The following ATP6V0A2 variants were observed in gnomAD, a reference collection of about 807,000 sequenced individuals.
ATP6V0A2 encodes ATPase H+ transporting V0 subunit a2.
A neutral mutation model predicts 104.4 loss-of-function variants in ATP6V0A2; 58 were observed. The observed-to-expected ratio is 0.56, with a 90% CI of 0.45 to 0.69. The LOEUF (loss-of-function observed/expected upper bound fraction) is 0.69, where lower values mean the gene tolerates loss of function less well. Ranked by LOEUF, ATP6V0A2 falls within the 30% of genes least tolerant of loss-of-function variation. The pLI is 0.00. For synonymous variants in ATP6V0A2, 376 were observed against 397.9 expected, an observed-to-expected ratio of 0.95 and a Z score of 0.65; for missense variants, 938 against 1,062.9, an observed-to-expected ratio of 0.88 and a Z score of 1.63.
Position 123,758,896 on chromosome 12 carries a change from T to C in ATP6V0A2, c.*864T>C, listed in dbSNP as rs1444765494. 1 of 152,410 alleles carries C rather than the reference T, an allele frequency of 6.6e-6. No individual in the cohort carries two copies. The highest frequency in any genetic ancestry group is 1.5e-5 in the Non-Finnish European group (1 of 68,042). The allele number at this position is 152,410 out of a possible 1,614,324, so 9.4% of individuals were successfully genotyped here. On this transcript the variant is annotated 3_prime_UTR_variant, in exon 20 of 20. Transcript: ENST00000330342. ...GGATTGTTTTTACAATTTTGTCTTG[T>C]TTTAGTAATTGGGGACAATGGGATA...
At chr12:123,743,087 G>A (rs1430153615) in intron 9 of ATP6V0A2, among the ~76,000 whole-genome samples, 2 of 151,936 alleles carry the variant, frequency 1.3e-5, no homozygotes, top group African/African-American at 2.4e-5. Context: ...TTTCTTCACC[G>A]TTTTTAAGAG....
At chr12:123,754,952 C>T (rs1956749325) in intron 18 of ATP6V0A2, among the ~76,000 whole-genome samples, 1 of 152,260 alleles carries the variant, frequency 6.6e-6, no homozygotes, top group African/African-American at 2.4e-5. Context: ...AGTCCTGCCA[C>T]AGCACTCATG....
chr12:123,746,639 TAAAAAA>T (rs760374381), intron 13 of ATP6V0A2, among the ~76,000 whole-genome samples: 1 of 83,604 alleles, frequency 1.2e-5, no homozygotes, highest in Non-Finnish European at 2.3e-5. Flanking sequence ...CCCCTTACCT[TAAAAAA>T]AAAAAAAAAA....
At chr12:123,713,669 T>C (rs546823392) in intron 1 of ATP6V0A2, among the ~76,000 whole-genome samples, 1 of 152,218 alleles carries the variant, frequency 6.6e-6, no homozygotes, top group Non-Finnish European at 1.5e-5. Flanking sequence ...ACTCTGATTA[T>C]GAGCTGTGAT....
At chr12:123,752,528 C>A in intron 17 of ATP6V0A2, 126 bp downstream of exon 17, 1 of 1,158,688 alleles carries the variant, frequency 8.6e-7, no homozygotes, top group East Asian at 2.6e-5. Context: ...CCAGCCTCCA[C>A]AACTATGAGA....
chr12:123,751,284 T>A, intron 16 of ATP6V0A2, 55 bp downstream of exon 16: 1 of 1,613,594 alleles, frequency 6.2e-7, no homozygotes, highest in Non-Finnish European at 8.5e-7. Context: ...CTTTCGGTTA[T>A]ACAAGGATTG....
chr12:123,744,430 G>C lies in ATP6V0A2; in HGVS notation c.1326+93G>C. On this transcript the variant is annotated intron_variant, in intron 11 of 19. Coordinates refer to ENST00000330342, the MANE Select transcript of ATP6V0A2 (RefSeq NM_012463.4). The surrounding 1 kb of genome is among the most constrained non-coding windows in gnomAD (Gnocchi z 5.4). ...ACCTCTTAGATGTTTGCTGTAGGCT[G>C]CGGCTGTGCTGGGCAGGTGTGTGGC... The C allele has an allele frequency of 6.3e-7, 1 of 1,586,746 alleles. No individual in the cohort carries two copies. The highest frequency in any genetic ancestry group is 8.6e-7 in the Non-Finnish European group (1 of 1,158,008).
At chr12:123,750,860 G>C (rs989846741) in intron 15 of ATP6V0A2, 1 of 500,414 alleles carries the variant, frequency 2.0e-6, no homozygotes, top group Non-Finnish European at 3.6e-6. Context: ...TAGAATTTTT[G>C]TAAAGTTTCC....
chr12:123,715,638 A>G (rs755614637), intron 1 of ATP6V0A2, among the ~76,000 whole-genome samples: 1 of 152,254 alleles, frequency 6.6e-6, no homozygotes, highest in Non-Finnish European at 1.5e-5. Context: ...TTGTTGAAGT[A>G]TGAAAGTGAT....
rs1231970098 is a variant in ATP6V0A2, at chr12:123,744,496, T to A, written c.1327-101T>A. ...GACAGGGATGTCTGCGGGGCGAGGC[T>A]GTTTTCTGAGAAGTGAGTGGTGAGG... On this transcript the variant is annotated intron_variant, in intron 11 of 19. Coordinates refer to ENST00000330342, the MANE Select transcript of ATP6V0A2 (RefSeq NM_012463.4). The surrounding 1 kb of genome is among the most constrained non-coding windows in gnomAD (Gnocchi z 5.4). 1.3e-6 allele frequency: 2 copies of A among 1,576,470 alleles called. No homozygotes were observed. The highest frequency in any genetic ancestry group is 2.2e-5 in the South Asian group (2 of 89,982).
At chr12:123,723,442 A>G (rs1353804758) in intron 3 of ATP6V0A2, 1 of 148,548 alleles carries the variant, frequency 6.7e-6, no homozygotes, top group African/African-American at 2.5e-5. Flanking sequence ...GTAACTAATT[A>G]TTAAAGATTC....
Position 123,756,585 on chromosome 12 carries a change from G to A in ATP6V0A2, c.2294-230G>A. ...AGTCTGGGGCAAGACCTCCCTTTGG[G>A]AGATGGCCTCTGATATTTTTGGAGC... On this transcript the variant is annotated intron_variant, in intron 18 of 19. Transcript: ENST00000330342. 4 of 566,546 alleles carry A rather than the reference G, an allele frequency of 7.1e-6. No individual in the cohort carries two copies. In the South Asian group the frequency reaches 8.8e-5, roughly 12 times the overall value. 35.1% of individuals were successfully genotyped at this position (566,546 alleles called of 1,614,324 possible). A position where few individuals can be genotyped will look rare whatever the true frequency, so the allele number is the denominator to read the frequency against.
chr12:123,754,163 G>A (rs1047000417), intron 17 of ATP6V0A2: 5 of 589,242 alleles, frequency 8.5e-6, no homozygotes, highest in African/African-American at 7.4e-5. Context: ...TTACACAGGG[G>A]AGTCTGAGGC....
At chr12:123,726,056 A>G in intron 4 of ATP6V0A2, 141 bp from the exon 5 acceptor site, 1 of 670,552 alleles carries the variant, frequency 1.5e-6, no homozygotes, top group Non-Finnish European at 2.7e-6. Flanking sequence ...TTGAGTTATA[A>G]ATCTAAGTTA....
intron 2 of ATP6V0A2, chr12:123,721,349 C>A: frequency 6.0e-6 from 1 of 167,216 alleles, no homozygotes. Flanking sequence ...AGCAGGGTCT[C>A]TGAAAACCTG....
chr12:123,731,877 T>G (rs1186290732), intron 6 of ATP6V0A2: 1 of 152,310 alleles, frequency 6.6e-6, no homozygotes, highest in East Asian at 1.9e-4. Context: ...CTCCCCAGTC[T>G]GTGCTCCTGT....
intron 1 of ATP6V0A2, among the ~76,000 whole-genome samples, chr12:123,714,727 G>A (rs978259944): frequency 1.3e-5 from 2 of 151,896 alleles, no homozygotes; most frequent in African/African-American, 4.8e-5. Context: ...TTGAATTAGG[G>A]TGCTGCCCTA....
chr12:123,745,880 C>G (rs1956657541), intron 13 of ATP6V0A2, among the ~76,000 whole-genome samples: 1 of 152,050 alleles, frequency 6.6e-6, no homozygotes, highest in Non-Finnish European at 1.5e-5. Flanking sequence ...GAAACAATCT[C>G]AAAGTTGGTT....
At chr12:123,721,945 C>T (rs1035530409) in intron 2 of ATP6V0A2, among the ~76,000 whole-genome samples, 4 of 152,228 alleles carry the variant, frequency 2.6e-5, no homozygotes, top group African/African-American at 9.6e-5. Flanking sequence ...TGGGTAATTC[C>T]TGCACTTCCA....
Sources: gnomAD v4.1 joint callset for allele counts (sites outside exome capture counted in the v4.1 genomes callset) on GRCh38, gnomAD v4.1.1 for gene constraint, Gnocchi (gnomAD v3.1) non-coding constraint, MANE v1.5 for transcripts, NCBI Gene and HGNC (gene_info 2026-07-23, HGNC 2026-07-21) for gene names.